ASZ1: variants seen among roughly 807,000 people sequenced by gnomAD.
The protein encoded by ASZ1 is ankyrin repeat, SAM and basic leucine zipper domain containing 1.
ASZ1 carries 67 observed loss-of-function variants against 61.8 expected under a neutral mutation model. That is an observed-to-expected ratio of 1.08 (90% CI 0.89 to 1.33). ASZ1 has a LOEUF of 1.33. Ranked by LOEUF, ASZ1 falls within the 40% of genes most tolerant of loss-of-function variation. ASZ1 has a pLI of 0.00. For synonymous variants in ASZ1, 193 were observed against 192.7 expected, an observed-to-expected ratio of 1.00 and a Z score of -0.01; for missense variants, 577 against 554.5, an observed-to-expected ratio of 1.04 and a Z score of -0.41.
chr7:117,423,962 C>T (rs1797150508), intron 2 of ASZ1, among the ~76,000 whole-genome samples: 1 of 151,506 alleles, frequency 6.6e-6, no homozygotes, highest in Admixed American at 6.6e-5. Flanking sequence ...TTACTAAGCA[C>T]ATATTATGTT....
chr7:117,392,848 C>CTT (rs761543858), intron 4 of ASZ1, among the ~76,000 whole-genome samples: 72 of 139,028 alleles, frequency 5.2e-4, no homozygotes, highest in African/African-American at 1.2e-3. Flanking sequence ...TAAGATATAT[C>CTT]TTTTTTTTTT....
chr7:117,386,073 TCTA>T (rs1796350804), intron 4 of ASZ1, among the ~76,000 whole-genome samples: 2 of 152,314 alleles, frequency 1.3e-5, no homozygotes, highest in African/African-American at 4.8e-5. Flanking sequence ...AGCCACGCTT[TCTA>T]CTATGAAGTT....
At chr7:117,404,131 T>C (rs1562856363) in intron 4 of ASZ1, among the ~76,000 whole-genome samples, 1 of 152,086 alleles carries the variant, frequency 6.6e-6, no homozygotes. Context: ...TATATAGTTT[T>C]TATATGAGGC....
intron 10 of ASZ1, among the ~76,000 whole-genome samples, chr7:117,378,633 C>G (rs927117390): frequency 5.9e-5 from 9 of 151,886 alleles, no homozygotes; most frequent in African/African-American, 2.2e-4. Flanking sequence ...TTAAAATATA[C>G]TAAATATGCA....
intron 8 of ASZ1, among the ~76,000 whole-genome samples, chr7:117,381,297 A>G (rs920237362): frequency 5.3e-5 from 8 of 152,084 alleles, no homozygotes; most frequent in African/African-American, 1.9e-4. Flanking sequence ...CCAGATTCAA[A>G]TGATTACCAT....
intron 4 of ASZ1, among the ~76,000 whole-genome samples, chr7:117,389,956 A>G (rs915203486): frequency 3.9e-5 from 6 of 152,158 alleles, no homozygotes; most frequent in African/African-American, 1.4e-4. Flanking sequence ...GCTCTGACGG[A>G]TAAGTGAGAA....
Position 117,383,108 on chromosome 7 carries a change from G to A in ASZ1, c.690C>T (p.Ile230=), listed in dbSNP as rs1156593975. The change falls in exon 7 of 13, where the codon ATC becomes ATT. Residue 230 remains isoleucine (I), a splice_region_variant and synonymous_variant. Transcript: ENST00000284629. ...TTAAAGTAAAAGAAAGTAAGTTGAA[G>A]ATCTGAAAAAAGTTAACATCATTCA... ...EIAKRNKHHE[I]FNLLSFTLNP... is the part of the protein sequence containing the mutation. The A allele has an allele frequency of 3.2e-6, 5 of 1,548,198 alleles. No homozygotes were observed. The African/African-American group carries it at 7.0e-5, about 22-fold the overall frequency.
At position 117,384,769 on chromosome 7, in the gene ASZ1, C is replaced by T; in HGVS notation, c.644G>A (p.Gly215Glu). The change falls in exon 6 of 13, where the codon GGA becomes GAA. Residue 215 changes from glycine (G) to glutamate (E), a missense_variant. Transcript: ENST00000284629. ...GANKMLQTKD[G>E]KMPSEIAKRN... Reference sequence around the variant, plus strand: ...TTTTGCAATCTCACTTGGCATCTTTCCATCTTTGGTTTGTAGCATTTTATT... The same window carrying T: ...TTTTGCAATCTCACTTGGCATCTTTTCATCTTTGGTTTGTAGCATTTTATT... 1.2e-6 allele frequency: 2 copies of T among 1,612,340 alleles called. No homozygotes were observed. Among genetic ancestry groups the T allele is most frequent in the Middle Eastern group, 1.7e-4 (1 of 6,042 alleles).
At chr7:117,372,938 G>T (rs1001947967) in intron 10 of ASZ1, among the ~76,000 whole-genome samples, 1 of 152,048 alleles carries the variant, frequency 6.6e-6, no homozygotes, top group African/African-American at 2.4e-5. Context: ...TGATGCAATG[G>T]AATTTAATCA....
At chr7:117,379,547 C>T (rs1358662436) in intron 10 of ASZ1, among the ~76,000 whole-genome samples, 1 of 151,614 alleles carries the variant, frequency 6.6e-6, no homozygotes, top group Non-Finnish European at 1.5e-5. Flanking sequence ...TAGAACTGAG[C>T]TACATGAGAC....
chr7:117,366,106 A>G (rs1795931652), intron 12 of ASZ1, among the ~76,000 whole-genome samples: 1 of 152,172 alleles, frequency 6.6e-6, no homozygotes, highest in Admixed American at 6.5e-5. Flanking sequence ...TCTACTAAAA[A>G]TACAAAAATT....
intron 2 of ASZ1, among the ~76,000 whole-genome samples, chr7:117,424,827 C>T (rs1797165884): frequency 6.6e-6 from 1 of 152,146 alleles, no homozygotes; most frequent in Admixed American, 6.5e-5. Flanking sequence ...ACTCAAGTTC[C>T]ATTGTCCAAA....
chr7:117,413,101 C>A (rs528085114), intron 4 of ASZ1, among the ~76,000 whole-genome samples: 3 of 151,486 alleles, frequency 2.0e-5, no homozygotes, highest in East Asian at 1.9e-4. Context: ...GAAAAAAAAA[C>A]CCAAATCCAA....
intron 4 of ASZ1, among the ~76,000 whole-genome samples, chr7:117,402,003 G>A (rs1442636829): frequency 6.6e-6 from 1 of 152,032 alleles, no homozygotes; most frequent in African/African-American, 2.4e-5. Context: ...GATTTTTGGG[G>A]GCCAGGTATG....
At chr7:117,395,011 T>C (rs1417426872) in intron 4 of ASZ1, among the ~76,000 whole-genome samples, 1 of 152,224 alleles carries the variant, frequency 6.6e-6, no homozygotes, top group Non-Finnish European at 1.5e-5. Flanking sequence ...TTGAATTTGT[T>C]GTCCCTGTTT....
chr7:117,415,829 A>AG (rs1387227878), intron 4 of ASZ1, among the ~76,000 whole-genome samples: 1 of 152,250 alleles, frequency 6.6e-6, no homozygotes, highest in Non-Finnish European at 1.5e-5. Context: ...GGCTTGCTGA[A>AG]GCAAAACAAA....
intron 7 of ASZ1, among the ~76,000 whole-genome samples, chr7:117,382,364 T>C (rs765576769): frequency 1.3e-5 from 2 of 152,078 alleles, no homozygotes; most frequent in Non-Finnish European, 2.9e-5. Flanking sequence ...TGAAAATATA[T>C]GCCAGTATGT....
At chr7:117,420,996 A>T (rs1797089632) in intron 3 of ASZ1, among the ~76,000 whole-genome samples, 1 of 152,216 alleles carries the variant, frequency 6.6e-6, no homozygotes, top group African/African-American at 2.4e-5. Flanking sequence ...GATTTAACAT[A>T]CAGATAAGAA....
intron 10 of ASZ1, among the ~76,000 whole-genome samples, chr7:117,370,806 G>T (rs1236091305): frequency 5.6e-5 from 6 of 107,822 alleles, no homozygotes; most frequent in Admixed American, 2.4e-4. Flanking sequence ...AAAGGTAATT[G>T]TGTGTGTGTG....
Sources: allele counts gnomAD v4.1 joint callset (sites outside exome capture counted in the v4.1 genomes callset), GRCh38; gene constraint gnomAD v4.1.1; transcripts MANE v1.5; gene names NCBI Gene and HGNC (gene_info 2026-07-23, HGNC 2026-07-21).